DNAJC1: variants seen among roughly 807,000 people sequenced by gnomAD.
DNAJC1 encodes the protein DnaJ heat shock protein family (Hsp40) member C1.
DNAJC1 carries 58 observed loss-of-function variants against 76.6 expected under a neutral mutation model. The ratio of observed to expected loss-of-function variants is 0.76; its 90% CI spans 0.61 to 0.94. The LOEUF (loss-of-function observed/expected upper bound fraction) is 0.94. Ranked by LOEUF, DNAJC1 falls within the 40% of genes least tolerant of loss-of-function variation. The pLI, the probability that DNAJC1 is intolerant of heterozygous loss-of-function variation, is 0.00. For synonymous variants in DNAJC1, 258 were observed against 267.9 expected, an observed-to-expected ratio of 0.96 and a Z score of 0.36; for missense variants, 689 against 677.3, an observed-to-expected ratio of 1.02 and a Z score of -0.19.
At chr10:21,881,222 C>T (rs1590029874) in intron 8 of DNAJC1, among the ~76,000 whole-genome samples, 1 of 152,192 alleles carries the variant, frequency 6.6e-6, no homozygotes, top group South Asian at 2.1e-4. Context: ...GATCTTCTAT[C>T]CAGACTACTC....
At chr10:21,825,248 T>C (rs1486448430) in intron 8 of DNAJC1, among the ~76,000 whole-genome samples, 1 of 152,204 alleles carries the variant, frequency 6.6e-6, no homozygotes, top group African/African-American at 2.4e-5. Flanking sequence ...GGAAAACACA[T>C]ATTTGCATTG....
At chr10:21,908,363 C>T (rs539394072) in intron 6 of DNAJC1, among the ~76,000 whole-genome samples, 18 of 142,562 alleles carry the variant, frequency 1.3e-4, no homozygotes, top group East Asian at 4.1e-4. Context: ...GAAGAAACCA[C>T]GTGGCTATTC....
intron 8 of DNAJC1, among the ~76,000 whole-genome samples, chr10:21,820,207 T>C (rs538028595): frequency 6.6e-6 from 1 of 152,256 alleles, no homozygotes; most frequent in Non-Finnish European, 1.5e-5. Context: ...AGTCTTTTAC[T>C]TAGCATAATG....
intron 8 of DNAJC1, among the ~76,000 whole-genome samples, chr10:21,866,434 A>C (rs984132663): frequency 3.3e-5 from 5 of 152,002 alleles, no homozygotes; most frequent in Non-Finnish European, 4.4e-5. Flanking sequence ...AACCCAAAGC[A>C]GAAAAGTTAC....
At position 21,959,765 on chromosome 10, in the gene DNAJC1, G is replaced by A. The variant is rs548429594; in HGVS notation, c.223-30624C>T. Among the ~76,000 whole-genome samples, 15 of 140,160 alleles carry A rather than the reference G, an allele frequency of 1.1e-4. 1 individual carries two copies. Among genetic ancestry groups the A allele is most frequent in the African/African-American group, 3.3e-4 (12 of 36,808 alleles). 92.0% of individuals were successfully genotyped at this position (140,160 alleles called of 152,430 possible). A position where few individuals can be genotyped will look rare whatever the true frequency, so the allele number is the denominator to read the frequency against. ...AGTGCCGCTTCACTTCAGCCTAGGC[G>A]ACAGAGGGAGACTCCATCTCAAAAA... On this transcript the variant is annotated intron_variant, in intron 1 of 11. Coordinates refer to ENST00000376980, the MANE Select transcript of DNAJC1 (RefSeq NM_022365.4).
At chr10:21,802,299 G>A (rs1054187628) in intron 9 of DNAJC1, among the ~76,000 whole-genome samples, 7 of 152,066 alleles carry the variant, frequency 4.6e-5, no homozygotes, top group Non-Finnish European at 7.4e-5. Context: ...ATTTTGTGTA[G>A]GGCTGGCCTG....
chr10:21,973,994 T>A (rs1035645550), intron 1 of DNAJC1, among the ~76,000 whole-genome samples: 1 of 149,118 alleles, frequency 6.7e-6, no homozygotes, highest in East Asian at 2.0e-4. Context: ...CCCAGCTACT[T>A]GGGAGGCTGA....
At chr10:21,913,203 C>G (rs1008436121) in intron 6 of DNAJC1, among the ~76,000 whole-genome samples, 1 of 151,966 alleles carries the variant, frequency 6.6e-6, no homozygotes, top group African/African-American at 2.4e-5. Flanking sequence ...AAAAAATTTA[C>G]AACTTTAGGC....
chr10:21,784,801 C>T (rs1202677569), intron 9 of DNAJC1, among the ~76,000 whole-genome samples: 1 of 151,292 alleles, frequency 6.6e-6, no homozygotes. Context: ...ATCGCAAGGA[C>T]AGAAAACCAA....
chr10:21,846,871 GATA>G (rs1835668425), intron 8 of DNAJC1, among the ~76,000 whole-genome samples: 1 of 150,248 alleles, frequency 6.7e-6, no homozygotes, highest in Admixed American at 6.6e-5. Context: ...AAGACAAATG[GATA>G]ATGACTTTTT....
intron 8 of DNAJC1, among the ~76,000 whole-genome samples, chr10:21,869,475 G>C (rs1184812515): frequency 1.3e-5 from 2 of 152,034 alleles, no homozygotes; most frequent in Non-Finnish European, 2.9e-5. Flanking sequence ...TACCTTATAC[G>C]TATTGATTTA....
intron 9 of DNAJC1, among the ~76,000 whole-genome samples, chr10:21,784,667 T>C (rs1834582132): frequency 6.6e-6 from 1 of 152,214 alleles, no homozygotes; most frequent in South Asian, 2.1e-4. Flanking sequence ...CCATCAATGA[T>C]AGACTGGATC....
At chr10:21,921,081 T>C (rs1837035612) in intron 3 of DNAJC1, 118 bp from the exon 4 acceptor site, 1 of 859,458 alleles carries the variant, frequency 1.2e-6, no homozygotes, top group Admixed American at 3.1e-5. Context: ...AGATAATGTT[T>C]ATGTACGTTC....
At chr10:21,834,714 C>T (rs908978055) in intron 8 of DNAJC1, among the ~76,000 whole-genome samples, 17 of 152,312 alleles carry the variant, frequency 1.1e-4, no homozygotes, top group Middle Eastern at 3.4e-3. Context: ...CATGGAGTCT[C>T]GCTCATTGCT....
intron 1 of DNAJC1, among the ~76,000 whole-genome samples, chr10:21,995,339 G>A (rs1396079571): frequency 1.3e-5 from 2 of 152,194 alleles, no homozygotes; most frequent in South Asian, 2.1e-4. Flanking sequence ...AACTCATTTT[G>A]ACTACTGCTC....
intron 1 of DNAJC1, among the ~76,000 whole-genome samples, chr10:21,947,488 TAATG>T (rs772410618): frequency 3.4e-4 from 52 of 152,340 alleles, no homozygotes; most frequent in Middle Eastern, 3.4e-3. Flanking sequence ...CACTTCCACT[TAATG>T]AATAGTAAGT....
intron 1 of DNAJC1, among the ~76,000 whole-genome samples, chr10:21,959,795 A>G (rs1271285140): frequency 4.4e-5 from 3 of 68,154 alleles, no homozygotes; most frequent in African/African-American, 8.1e-5. Flanking sequence ...CAAAAAAAAC[A>G]AAAACAAAAA....
intron 1 of DNAJC1, among the ~76,000 whole-genome samples, chr10:21,995,498 G>A (rs956728066): frequency 2.4e-4 from 36 of 152,060 alleles, no homozygotes; most frequent in African/African-American, 6.8e-4. Context: ...GCATCTTAAC[G>A]TTGCTCTTCT....
chr10:21,997,837 A>G (rs1015137772), intron 1 of DNAJC1, among the ~76,000 whole-genome samples: 2 of 152,202 alleles, frequency 1.3e-5, no homozygotes, highest in South Asian at 4.1e-4. Flanking sequence ...ATTTGAATAT[A>G]AGGATTTAGT....
Sources: gnomAD v4.1 joint callset for allele counts (sites outside exome capture counted in the v4.1 genomes callset) on GRCh38, gnomAD v4.1.1 for gene constraint, MANE v1.5 for transcripts, NCBI Gene and HGNC (gene_info 2026-07-23, HGNC 2026-07-21) for gene names.